Variants in ADD3 observed in about 807,000 individuals in gnomAD.
ADD3 encodes the protein adducin 3, also known as gamma-adducin.
A neutral mutation model predicts 80.2 loss-of-function variants in ADD3; 25 were observed. The observed-to-expected ratio is 0.31, with a 90% CI of 0.23 to 0.44. ADD3 has a LOEUF of 0.44. ADD3 is among the 20% of genes least tolerant of loss of function. The probability of loss-of-function intolerance (pLI) is 1.00; values close to 1 mark genes in which losing one functional copy is unlikely to be tolerated. For synonymous variants in ADD3, 284 were observed against 289.6 expected, an observed-to-expected ratio of 0.98 and a Z score of 0.20; for missense variants, 829 against 847.5, an observed-to-expected ratio of 0.98 and a Z score of 0.27.
intron 1 of ADD3, among the ~76,000 whole-genome samples, chr10:110,074,496 G>A (rs1161141220): frequency 6.6e-6 from 1 of 152,074 alleles, no homozygotes; most frequent in Non-Finnish European, 1.5e-5. Flanking sequence ...CTCTTGTGCA[G>A]CTGACGTTGA....
At chr10:110,096,564 G>T (rs1265498592) in intron 1 of ADD3, among the ~76,000 whole-genome samples, 1 of 152,072 alleles carries the variant, frequency 6.6e-6, no homozygotes, top group Non-Finnish European at 1.5e-5. Flanking sequence ...GCTTTTACCT[G>T]GACTCATTCA....
intron 1 of ADD3, among the ~76,000 whole-genome samples, chr10:110,035,822 C>G (rs1345933805): frequency 6.6e-6 from 1 of 152,072 alleles, no homozygotes; most frequent in South Asian, 2.1e-4. Flanking sequence ...TGAATTTTCT[C>G]TTTTCCTGTC....
chr10:110,081,012 G>C (rs1464869608), intron 1 of ADD3, among the ~76,000 whole-genome samples: 1 of 152,136 alleles, frequency 6.6e-6, no homozygotes, highest in Non-Finnish European at 1.5e-5. Context: ...AATGACAGCT[G>C]TTCTAAAGAT....
chr10:110,011,372 A>G (rs1028114919), intron 1 of ADD3, among the ~76,000 whole-genome samples: 5 of 152,226 alleles, frequency 3.3e-5, no homozygotes, highest in African/African-American at 4.8e-5. Flanking sequence ...ATTGTAGTTG[A>G]TATGTCAAAC....
intron 1 of ADD3, among the ~76,000 whole-genome samples, chr10:110,075,341 G>GTT (rs551667288): frequency 2.0e-5 from 3 of 147,490 alleles, no homozygotes; most frequent in African/African-American, 7.5e-5. Context: ...ATGGTTTTTT[G>GTT]TTTTTTTTTT....
chr10:110,079,453 AGAGAGAGAGTGTGT>A (rs71032067), intron 1 of ADD3, among the ~76,000 whole-genome samples: 71 of 132,902 alleles, frequency 5.3e-4, no homozygotes, highest in African/African-American at 1.6e-3. Flanking sequence ...AGAGAGAGAG[AGAGAGAGAGTGTGT>A]GTGTGTGTGT....
In ADD3 at chr10:110,118,695, G is replaced by A; in HGVS notation, c.676G>A (p.Val226Ile). 6.2e-7 allele frequency: 1 copy of A among 1,614,146 alleles called. No homozygotes were observed. Among genetic ancestry groups the A allele is most frequent in the South Asian group, 1.1e-5 (1 of 91,082 alleles). Residue 226 changes from valine to isoleucine, a missense_variant, in exon 6 of 15, where the codon GTT (valine) becomes ATT (isoleucine). Val to Ile is a conservative substitution (Grantham distance 29, BLOSUM62 3). Coordinates refer to ENST00000356080, the MANE Select transcript of ADD3 (RefSeq NM_016824.5). ...HAAIYSTRPD[V>I]KCVIHIHTLA... ...TGCAATCTATTCAACACGTCCTGAT[G>A]TTAAGTGTGTGATACACATCCATAC...
chr10:110,083,556 A>G (rs1846335173), intron 1 of ADD3, among the ~76,000 whole-genome samples: 1 of 152,138 alleles, frequency 6.6e-6, no homozygotes, highest in Non-Finnish European at 1.5e-5. Context: ...TGGTGAGCAA[A>G]GCAACAATCG....
intron 1 of ADD3, among the ~76,000 whole-genome samples, chr10:110,074,821 T>C (rs867975): frequency 0.14 from 20,625 of 152,094 alleles, 4,489 homozygotes; most frequent in African/African-American, 0.46. Context: ...GCACACAAGC[T>C]CATACTTTAG....
intron 1 of ADD3, among the ~76,000 whole-genome samples, chr10:110,018,668 G>A (rs957817503): frequency 6.6e-6 from 1 of 151,940 alleles, no homozygotes. Flanking sequence ...AGAAATTACT[G>A]TCCGTGAAAA....
Position 110,133,398 on chromosome 10 carries a change from ATAT to A in ADD3, c.1902_1904del (p.Asp634_Met635delinsGlu). 5.0e-6 allele frequency: 8 copies of A among 1,613,230 alleles called. No homozygotes were observed. Among genetic ancestry groups the A allele is most frequent in the African/African-American group, 1.3e-5 (1 of 75,040 alleles). ...GTCATGGTAGTAAATGGCAAGGATG[ATAT>A]GCATGATGTTGAAGATGAGCTTGCT... On this transcript the variant is annotated inframe_deletion, in exon 15 of 15. Transcript: ENST00000356080.
At chr10:110,115,294 G>A (rs982698847) in intron 3 of ADD3, among the ~76,000 whole-genome samples, 10 of 151,976 alleles carry the variant, frequency 6.6e-5, no homozygotes, top group South Asian at 6.2e-4. Flanking sequence ...AGGCTGAGGC[G>A]GGAGAATCGC....
chr10:110,117,852 A>C (rs1850949746), intron 5 of ADD3, among the ~76,000 whole-genome samples: 1 of 152,028 alleles, frequency 6.6e-6, no homozygotes, highest in Admixed American at 6.6e-5. Context: ...CATCTCTACT[A>C]AAGATAACAA....
chr10:110,058,953 A>G (rs1053274555), intron 1 of ADD3, among the ~76,000 whole-genome samples: 2 of 152,188 alleles, frequency 1.3e-5, no homozygotes, highest in Non-Finnish European at 2.9e-5. Flanking sequence ...CTTGACTCTC[A>G]TCTTTTAAAA....
rs147797887 is a variant in ADD3, at chr10:110,011,505, C to A, written c.-30+3206C>A. Among the ~76,000 whole-genome samples, 114 of 152,188 alleles carry A rather than the reference C, an allele frequency of 7.5e-4. 2 individuals are homozygous for A. Among genetic ancestry groups the A allele is most frequent in the African/African-American group, 2.6e-3 (107 of 41,532 alleles). ...GAAAAAATGTTTAAAAACAAGCATG[C>A]GTTGAATTGAGAAAGTGCAAGCTTT... On this transcript the variant is annotated intron_variant, in intron 1 of 14. Coordinates refer to ENST00000356080, the MANE Select transcript of ADD3 (RefSeq NM_016824.5).
At chr10:110,047,775 C>T (rs1414533648) in intron 1 of ADD3, among the ~76,000 whole-genome samples, 1 of 152,144 alleles carries the variant, frequency 6.6e-6, no homozygotes, top group African/African-American at 2.4e-5. Flanking sequence ...AGAGAATTAT[C>T]TGTGGGAAAA....
chr10:110,024,777 A>G (rs1383590320), intron 1 of ADD3, among the ~76,000 whole-genome samples: 1 of 152,218 alleles, frequency 6.6e-6, no homozygotes, highest in East Asian at 1.9e-4. Context: ...TAAACTTACT[A>G]TTTGAATCAA....
upstream of ADD3, among the ~76,000 whole-genome samples, chr10:110,005,174 G>A (rs900940852): frequency 2.4e-4 from 36 of 152,210 alleles, no homozygotes; most frequent in African/African-American, 8.7e-4. Flanking sequence ...GCAATTCTCT[G>A]CCTCAGCCTC....
chr10:110,122,321 G>A, intron 9 of ADD3, 29 bp downstream of exon 9: 3 of 1,599,176 alleles, frequency 1.9e-6, no homozygotes, highest in Non-Finnish European at 2.6e-6. Context: ...GTAAAACTTG[G>A]ATTTAATGTC....
Sources: gnomAD v4.1 joint callset for allele counts (sites outside exome capture counted in the v4.1 genomes callset) on GRCh38, gnomAD v4.1.1 for gene constraint, MANE v1.5 for transcripts, NCBI Gene and HGNC (gene_info 2026-07-23, HGNC 2026-07-21) for gene names.